The following FAM174A variants were observed in gnomAD, a reference collection of about 807,000 sequenced individuals.
FAM174A encodes the protein membrane protein FAM174A.
Under a neutral mutation model 14.3 loss-of-function variants are expected in FAM174A, and 14 were observed. The observed-to-expected ratio is 0.98, with a 90% CI of 0.65 to 1.53. The LOEUF (loss-of-function observed/expected upper bound fraction) is 1.53, where lower values mean the gene tolerates loss of function less well. Ranked by LOEUF, FAM174A falls within the 40% of genes most tolerant of loss-of-function variation. The pLI is 0.00. For missense variants in FAM174A, 241 were observed against 249.6 expected (o/e 0.97, Z 0.23); for synonymous variants, 108 against 111.4 (o/e 0.97, Z 0.19).
intron 2 of FAM174A, among the ~76,000 whole-genome samples, chr5:100,585,487 A>T (rs1747110746): frequency 6.6e-6 from 1 of 152,202 alleles, no homozygotes; most frequent in East Asian, 1.9e-4. Context: ...AATCTCTGCT[A>T]ACTGCAGCCT....
chr5:100,544,053 CA>C (rs1390697308), intron 1 of FAM174A, among the ~76,000 whole-genome samples: 1 of 152,032 alleles, frequency 6.6e-6, no homozygotes, highest in Non-Finnish European at 1.5e-5. Context: ...GAATTAATAT[CA>C]AAAGGAAATA....
intron 1 of FAM174A, among the ~76,000 whole-genome samples, chr5:100,547,032 C>T (rs1330063042): frequency 6.6e-6 from 1 of 152,004 alleles, no homozygotes; most frequent in African/African-American, 2.4e-5. Context: ...TATTTTCTTC[C>T]ATATTGACTT....
At chr5:100,547,856 A>G (rs991283604) in intron 1 of FAM174A, among the ~76,000 whole-genome samples, 1 of 151,970 alleles carries the variant, frequency 6.6e-6, no homozygotes, top group Non-Finnish European at 1.5e-5. Context: ...TCATTTACTT[A>G]TCATGTATAT....
intron 1 of FAM174A, among the ~76,000 whole-genome samples, 165 bp downstream of exon 1, chr5:100,536,129 AT>A (rs1306021632): frequency 2.6e-5 from 4 of 152,212 alleles, no homozygotes; most frequent in African/African-American, 9.6e-5. Flanking sequence ...CTTTGGAGCA[AT>A]TTAAACCTAT....
intron 1 of FAM174A, among the ~76,000 whole-genome samples, chr5:100,537,364 C>CT (rs1303390705): frequency 6.6e-6 from 1 of 151,718 alleles, no homozygotes; most frequent in Non-Finnish European, 1.5e-5. Flanking sequence ...ACGTTTTTTT[C>CT]TTTTTTGAAA....
At chr5:100,575,320 T>A (rs1201053726) in intron 2 of FAM174A, among the ~76,000 whole-genome samples, 1 of 152,100 alleles carries the variant, frequency 6.6e-6, no homozygotes, top group East Asian at 1.9e-4. Flanking sequence ...GTTACATATG[T>A]ATACATATGC....
At chr5:100,564,967 C>G (rs1374876821) in intron 2 of FAM174A, among the ~76,000 whole-genome samples, 1 of 151,838 alleles carries the variant, frequency 6.6e-6, no homozygotes, top group Admixed American at 6.6e-5. Flanking sequence ...TAATACTCGT[C>G]CTTCTCAAAT....
chr5:100,547,793 A>G (rs1561313592), intron 1 of FAM174A, among the ~76,000 whole-genome samples: 1 of 152,110 alleles, frequency 6.6e-6, no homozygotes, highest in African/African-American at 2.4e-5. Context: ...AGCTATAAAT[A>G]ATAAAATATC....
At chr5:100,571,672 G>GTGTATATATA (rs1554047761) in intron 2 of FAM174A, among the ~76,000 whole-genome samples, 3 of 136,648 alleles carry the variant, frequency 2.2e-5, no homozygotes, top group Non-Finnish European at 3.1e-5. Flanking sequence ...GTGTGTGTGT[G>GTGTATATATA]TATATATATA....
At chr5:100,553,410 G>A (rs902851111) in intron 1 of FAM174A, among the ~76,000 whole-genome samples, 1 of 152,044 alleles carries the variant, frequency 6.6e-6, no homozygotes, top group African/African-American at 2.4e-5. Flanking sequence ...TAGTAATACA[G>A]CATGTGTGTT....
At chr5:100,550,832 G>A (rs1410839601) in intron 1 of FAM174A, among the ~76,000 whole-genome samples, 1 of 152,168 alleles carries the variant, frequency 6.6e-6, no homozygotes, top group Non-Finnish European at 1.5e-5. Flanking sequence ...AAGACTGTGA[G>A]GCCAATGGCA....
chr5:100,560,546 A>T (rs771851536), intron 1 of FAM174A, among the ~76,000 whole-genome samples: 8 of 152,040 alleles, frequency 5.3e-5, no homozygotes, highest in Non-Finnish European at 1.2e-4. Flanking sequence ...TTGTACTCAC[A>T]CTTAGTAACA....
intron 2 of FAM174A, among the ~76,000 whole-genome samples, chr5:100,575,603 C>G (rs1003366117): frequency 2.0e-5 from 3 of 152,142 alleles, no homozygotes; most frequent in African/African-American, 7.2e-5. Flanking sequence ...CTAGGCAATA[C>G]CATTCAGGAC....
chr5:100,584,833 T>C (rs952892653), intron 2 of FAM174A, among the ~76,000 whole-genome samples: 1 of 152,208 alleles, frequency 6.6e-6, no homozygotes, highest in African/African-American at 2.4e-5. Flanking sequence ...AGGCAACCCC[T>C]GCTGCAGATC....
intron 1 of FAM174A, among the ~76,000 whole-genome samples, chr5:100,556,445 G>C (rs1746385403): frequency 1.3e-5 from 2 of 152,078 alleles, no homozygotes; most frequent in African/African-American, 4.8e-5. Context: ...GGTTCCATAT[G>C]AACTTTAAAG....
intron 1 of FAM174A, among the ~76,000 whole-genome samples, chr5:100,542,151 A>G (rs958894083): frequency 3.9e-5 from 6 of 152,316 alleles, no homozygotes; most frequent in African/African-American, 1.4e-4. Flanking sequence ...TTCACTGTCC[A>G]TGTTCCCTGG....
At chr5:100,570,021 A>T (rs1010240789) in intron 2 of FAM174A, among the ~76,000 whole-genome samples, 12 of 151,946 alleles carry the variant, frequency 7.9e-5, no homozygotes, top group African/African-American at 2.9e-4. Flanking sequence ...AAGAATAGTC[A>T]TACAGTTTTT....
At chr5:100,575,332 G>C (rs935321922) in intron 2 of FAM174A, among the ~76,000 whole-genome samples, 7 of 151,890 alleles carry the variant, frequency 4.6e-5, no homozygotes, top group African/African-American at 1.5e-4. Context: ...TACATATGCC[G>C]TGTTGGTGTG....
chr5:100,573,249 T>G (rs967888847), intron 2 of FAM174A, among the ~76,000 whole-genome samples: 96 of 151,832 alleles, frequency 6.3e-4, no homozygotes, highest in Middle Eastern at 3.4e-3. Flanking sequence ...AGAAGCTCTT[T>G]AGTTTAATTA....
Sources: allele counts gnomAD v4.1 joint callset (sites outside exome capture counted in the v4.1 genomes callset), GRCh38; gene constraint gnomAD v4.1.1; transcripts MANE v1.5; gene names NCBI Gene and HGNC (gene_info 2026-07-23, HGNC 2026-07-21).